The following PTPRN2 variants were observed in gnomAD, a reference collection of about 807,000 sequenced individuals.
PTPRN2 encodes the protein protein tyrosine phosphatase receptor type N2, also known as receptor-type tyrosine-protein phosphatase N2.
A neutral mutation model predicts 118.8 loss-of-function variants in PTPRN2; 74 were observed. The ratio of observed to expected loss-of-function variants is 0.62; its 90% CI spans 0.52 to 0.76. The LOEUF (loss-of-function observed/expected upper bound fraction) is 0.76. Ranked by LOEUF, PTPRN2 falls within the 30% of genes least tolerant of loss-of-function variation. The pLI, the probability that PTPRN2 is intolerant of heterozygous loss-of-function variation, is 0.00. For missense variants in PTPRN2, 1,481 were observed against 1,394.4 expected (o/e 1.06, Z -0.99); for synonymous variants, 641 against 608.0 (o/e 1.05, Z -0.80).
intron 12 of PTPRN2, among the ~76,000 whole-genome samples, chr7:157,829,379 A>C (rs760156343): frequency 8.5e-5 from 13 of 152,194 alleles, no homozygotes; most frequent in Non-Finnish European, 1.3e-4. Context: ...ACGAACATCA[A>C]ACAGGTCCTC....
intron 9 of PTPRN2, among the ~76,000 whole-genome samples, chr7:158,115,536 G>C (rs934006462): frequency 6.6e-6 from 1 of 152,124 alleles, no homozygotes; most frequent in African/African-American, 2.4e-5. Flanking sequence ...AGGGGCCTAT[G>C]GGAGGTGGTC....
At chr7:158,389,008 T>C (rs1811718217) in intron 2 of PTPRN2, among the ~76,000 whole-genome samples, 1 of 152,216 alleles carries the variant, frequency 6.6e-6, no homozygotes, top group Non-Finnish European at 1.5e-5. Context: ...GATTAGAACC[T>C]ACAACCATGG....
At chr7:158,259,724 T>G (rs4909059) in intron 3 of PTPRN2, among the ~76,000 whole-genome samples, 1 of 147,796 alleles carries the variant, frequency 6.8e-6, no homozygotes, top group Non-Finnish European at 1.5e-5. Flanking sequence ...CAGGTATGTG[T>G]GTTTGTGTGT....
intron 21 of PTPRN2, among the ~76,000 whole-genome samples, chr7:157,554,016 G>A (rs1339991813): frequency 2.1e-4 from 26 of 122,946 alleles, no homozygotes; most frequent in African/African-American, 6.2e-4. Context: ...GGGCATGGGT[G>A]CGGCCAGGCC....
chr7:158,140,989 C>T (rs970545119), intron 6 of PTPRN2, among the ~76,000 whole-genome samples: 23 of 152,172 alleles, frequency 1.5e-4, no homozygotes, highest in African/African-American at 3.4e-4. Flanking sequence ...GGCAGAGTGA[C>T]GCAGAGGGGA....
chr7:158,006,896 G>A (rs1012835378), intron 11 of PTPRN2, among the ~76,000 whole-genome samples: 20 of 152,196 alleles, frequency 1.3e-4, no homozygotes, highest in African/African-American at 4.8e-4. Context: ...AGGGCCTCCT[G>A]TGTGGTCCTC....
At chr7:157,614,607 T>C (rs28386853) in intron 15 of PTPRN2, among the ~76,000 whole-genome samples, 27,597 of 152,064 alleles carry the variant, frequency 0.18, 3,898 homozygotes, top group African/African-American at 0.4. Context: ...GTGATAGCAA[T>C]GGCGCTGTGG....
intron 9 of PTPRN2, among the ~76,000 whole-genome samples, chr7:158,119,174 C>CA (rs1473406109): frequency 6.6e-6 from 1 of 151,978 alleles, no homozygotes; most frequent in Non-Finnish European, 1.5e-5. Flanking sequence ...AACTCAACAA[C>CA]AAAAATACAA....
intron 1 of PTPRN2, among the ~76,000 whole-genome samples, chr7:158,535,603 C>A (rs541755878): frequency 6.6e-6 from 1 of 152,050 alleles, no homozygotes; most frequent in Admixed American, 6.6e-5. Flanking sequence ...CTTCTTGTAG[C>A]ATTCAGGTGG....
chr7:157,544,878 G>A (rs916124620), intron 22 of PTPRN2, among the ~76,000 whole-genome samples: 4 of 151,892 alleles, frequency 2.6e-5, no homozygotes, highest in East Asian at 1.9e-4. Flanking sequence ...GATGTGCATC[G>A]TGTGTGGGTG....
At chr7:157,553,960 T>A (rs995100074) in intron 21 of PTPRN2, among the ~76,000 whole-genome samples, 3 of 150,840 alleles carry the variant, frequency 2.0e-5, no homozygotes, top group Non-Finnish European at 4.4e-5. Flanking sequence ...TGAGCATGGG[T>A]ACGGCCAGGC....
chr7:158,182,150 T>A (rs1192056442), intron 5 of PTPRN2, among the ~76,000 whole-genome samples: 1 of 152,230 alleles, frequency 6.6e-6, no homozygotes, highest in African/African-American at 2.4e-5. Flanking sequence ...TAAACTTCCA[T>A]CTTGATTTTA....
chr7:158,389,762 T>C (rs896764), intron 2 of PTPRN2, among the ~76,000 whole-genome samples: 148,223 of 152,346 alleles, frequency 0.97, 72,135 homozygotes, highest in African/African-American at 0.99. Context: ...GAATAGAAAA[T>C]GGGCTAAACG....
At chr7:158,474,896 G>T (rs1820131728) in intron 2 of PTPRN2, among the ~76,000 whole-genome samples, 1 of 152,204 alleles carries the variant, frequency 6.6e-6, no homozygotes, top group Non-Finnish European at 1.5e-5. Flanking sequence ...TGTGCACACT[G>T]CGTTCTGCAG....
At chr7:158,340,083 TGCAGACGTCA>T (rs1806367280) in intron 2 of PTPRN2, among the ~76,000 whole-genome samples, 6 of 58,850 alleles carry the variant, frequency 1.0e-4, no homozygotes, top group Non-Finnish European at 1.4e-4. Flanking sequence ...AGGTGACACC[TGCAGACGTCA>T]CTCACACCCA....
chr7:157,684,987 G>A (rs905898586), intron 12 of PTPRN2, among the ~76,000 whole-genome samples: 1 of 151,886 alleles, frequency 6.6e-6, no homozygotes, highest in African/African-American at 2.4e-5. Context: ...CCCACCCCAG[G>A]GTCCATGTTC....
chr7:157,766,238 ACCATCCATCCTTCCTCCAT>A (rs1368146436), intron 12 of PTPRN2, among the ~76,000 whole-genome samples: 1 of 133,952 alleles, frequency 7.5e-6, no homozygotes, highest in South Asian at 2.5e-4. Context: ...CATCCATCCA[ACCATCCATCCTTCCTCCAT>A]CCATCCATCC....
At chr7:157,652,819 T>C (rs1056329765) in intron 14 of PTPRN2, among the ~76,000 whole-genome samples, 17 of 152,368 alleles carry the variant, frequency 1.1e-4, no homozygotes, top group Middle Eastern at 3.4e-3. Context: ...GTCTCCTTTA[T>C]AAGAGTGTTG....
intron 3 of PTPRN2, among the ~76,000 whole-genome samples, chr7:158,277,611 C>A (rs1318832557): frequency 1.3e-5 from 2 of 152,204 alleles, no homozygotes; most frequent in African/African-American, 2.4e-5. Context: ...ACTGTCAGGG[C>A]CTTGCCACAC....
Sources: gnomAD v4.1 joint callset for allele counts (sites outside exome capture counted in the v4.1 genomes callset) on GRCh38, gnomAD v4.1.1 for gene constraint, MANE v1.5 for transcripts, NCBI Gene and HGNC (gene_info 2026-07-23, HGNC 2026-07-21) for gene names.